Variants in MS4A13 observed in about 807,000 individuals in gnomAD.
The protein encoded by MS4A13 is membrane-spanning 4-domains subfamily A member 13.
MS4A13 carries 21 observed loss-of-function variants against 18.4 expected under a neutral mutation model. The ratio of observed to expected loss-of-function variants is 1.14; its 90% CI spans 0.81 to 1.64. The LOEUF (loss-of-function observed/expected upper bound fraction) is 1.64. MS4A13 is among the 40% of genes most tolerant of loss of function. The pLI, the probability that MS4A13 is intolerant of heterozygous loss-of-function variation, is 0.00. For missense variants in MS4A13, 173 were observed against 176.8 expected (o/e 0.98, Z 0.12); for synonymous variants, 62 against 57.2 (o/e 1.08, Z -0.38).
chr11:60,518,817 A>G (rs1403710203), intron 3 of MS4A13, among the ~76,000 whole-genome samples: 3 of 152,240 alleles, frequency 2.0e-5, no homozygotes, highest in Admixed American at 6.5e-5. Context: ...ATTGTGAAGC[A>G]AAAACCTGGT....
At chr11:60,515,697 T>TCTA (rs2086632757) in intron 1 of MS4A13, 90 bp downstream of exon 1, 1 of 152,246 alleles carries the variant, frequency 6.6e-6, no homozygotes, top group East Asian at 1.9e-4. Flanking sequence ...CCTATCATAC[T>TCTA]CTGTAAACAG....
chr11:60,525,459 T>A, intron 5 of MS4A13, 133 bp downstream of exon 5: 1 of 542,382 alleles, frequency 1.8e-6, no homozygotes, highest in East Asian at 3.9e-5. Context: ...AGCTCTTGAT[T>A]GAAAATTTTA....
intron 6 of MS4A13, among the ~76,000 whole-genome samples, chr11:60,530,861 T>A (rs183304165): frequency 5.0e-4 from 76 of 152,326 alleles, no homozygotes; most frequent in African/African-American, 1.8e-3. Context: ...TTTATAAGTG[T>A]TTAGCAAGTT....
chr11:60,529,478 C>T lies in MS4A13; in HGVS notation c.402+18C>T. The T allele has an allele frequency of 1.4e-6, 2 of 1,427,870 alleles. No homozygotes were observed. The highest frequency in any genetic ancestry group is 1.9e-6 in the Non-Finnish European group (2 of 1,040,326). The allele number at this position is 1,427,870 out of a possible 1,614,324, so 88.5% of individuals were successfully genotyped here. ...CCAATTTGGTAAGTGTTTACCCACT[C>T]TCTGGCAAATCAAAAGATGTTGATT... On this transcript the variant is annotated intron_variant, in intron 6 of 6. Coordinates refer to ENST00000378186, the MANE Select transcript of MS4A13 (RefSeq NM_001012417.3).
chr11:60,541,717 G>T (rs2086860181), intron 6 of MS4A13, among the ~76,000 whole-genome samples: 1 of 152,092 alleles, frequency 6.6e-6, no homozygotes, highest in South Asian at 2.1e-4. Flanking sequence ...CATCTATTAA[G>T]ATTTATGTTC....
At chr11:60,531,208 C>T (rs1176047219) in intron 6 of MS4A13, among the ~76,000 whole-genome samples, 1 of 152,068 alleles carries the variant, frequency 6.6e-6, no homozygotes, top group Non-Finnish European at 1.5e-5. Context: ...GTTATTAAAA[C>T]AACAGTAATC....
intron 6 of MS4A13, among the ~76,000 whole-genome samples, chr11:60,539,043 G>C (rs1450828373): frequency 7.3e-6 from 1 of 137,078 alleles, no homozygotes; most frequent in Non-Finnish European, 1.5e-5. Context: ...GATCTTAGAA[G>C]GGGATTCTTC....
At position 60,535,436 on chromosome 11, in the gene MS4A13, C is replaced by G. The variant is rs1351316124; in HGVS notation, c.402+5976C>G. On this transcript the variant is annotated intron_variant, in intron 6 of 6. Coordinates refer to ENST00000378186, the MANE Select transcript of MS4A13 (RefSeq NM_001012417.3). ...CTAGAAAATCTAGAAGAAATGGATACATTCCTCGACACATACACTCTGCCA... is the reference window on the plus strand; with the variant it reads ...CTAGAAAATCTAGAAGAAATGGATAGATTCCTCGACACATACACTCTGCCA... Among the ~76,000 whole-genome samples, 2 of 135,140 alleles carry G rather than the reference C, an allele frequency of 1.5e-5. 1 individual carries two copies. The highest frequency in any genetic ancestry group is 5.1e-4 in the South Asian group (2 of 3,904). The allele number at this position is 135,140 out of a possible 152,430, so 88.7% of individuals were successfully genotyped here.
rs902649446 is a variant in MS4A13, at chr11:60,518,060, C to G, written c.-12-12C>G. The G allele has an allele frequency of 1.3e-6, 2 of 1,559,768 alleles. No individual in the cohort carries two copies. Among genetic ancestry groups the G allele is most frequent in the African/African-American group, 2.7e-5 (2 of 72,954 alleles). On this transcript the variant is annotated splice_polypyrimidine_tract_variant and intron_variant, in intron 2 of 6. Coordinates refer to ENST00000378186, the MANE Select transcript of MS4A13 (RefSeq NM_001012417.3). ...ACATTATTTCGGTACTAACATAATT[C>G]TCTTCTCACAGACTATCCAGATTAT...
chr11:60,540,970 AAGG>A (rs2086852747), intron 6 of MS4A13, among the ~76,000 whole-genome samples: 1 of 151,538 alleles, frequency 6.6e-6, no homozygotes, highest in African/African-American at 2.4e-5. Context: ...AAAAAAAAAA[AAGG>A]AAAGGAAAAG....
At chr11:60,530,636 T>C (rs2086758466) in intron 6 of MS4A13, among the ~76,000 whole-genome samples, 2 of 152,234 alleles carry the variant, frequency 1.3e-5, no homozygotes, top group South Asian at 4.1e-4. Context: ...TGGACCTCAG[T>C]AAGAACAGTG....
chr11:60,518,314 T>A (rs2086651739), intron 3 of MS4A13, 102 bp downstream of exon 3: 1 of 889,910 alleles, frequency 1.1e-6, no homozygotes, highest in Admixed American at 2.9e-5. Context: ...TTCAGGAGAA[T>A]TATGTAACTA....
At chr11:60,516,111 T>C (rs574929823) in intron 2 of MS4A13, 27 bp downstream of exon 2, 2 of 152,278 alleles carry the variant, frequency 1.3e-5, no homozygotes, top group South Asian at 4.1e-4. Context: ...ACTAACTAAA[T>C]TTAAGATCAT....
chr11:60,542,252 GAGAAAGAA>G (rs201118211), intron 6 of MS4A13, among the ~76,000 whole-genome samples: 1 of 108,212 alleles, frequency 9.2e-6, no homozygotes, highest in African/African-American at 3.3e-5. Context: ...GAAAGAAAAA[GAGAAAGAA>G]AGAAAGAAAA....
intron 3 of MS4A13, among the ~76,000 whole-genome samples, chr11:60,521,823 A>G (rs535749250): frequency 6.6e-6 from 1 of 152,164 alleles, no homozygotes; most frequent in South Asian, 2.1e-4. Flanking sequence ...ATTTATTGTA[A>G]TAGTCCATTT....
intron 5 of MS4A13, 88 bp from the exon 6 acceptor site, chr11:60,529,277 A>G: frequency 1.5e-5 from 1 of 67,288 alleles, no homozygotes; most frequent in Admixed American, 2.9e-4. Context: ...TTTTTTTTTG[A>G]CTCTCATACC....
At chr11:60,523,032 C>G (rs1294870601) in intron 3 of MS4A13, among the ~76,000 whole-genome samples, 1 of 152,320 alleles carries the variant, frequency 6.6e-6, no homozygotes, top group African/African-American at 2.4e-5. Context: ...AGAGAGCACT[C>G]TAATTCAAAA....
intron 3 of MS4A13, 107 bp downstream of exon 3, chr11:60,518,319 T>A: frequency 1.2e-6 from 1 of 831,318 alleles, no homozygotes; most frequent in Non-Finnish European, 1.8e-6. Flanking sequence ...GAGAATTATG[T>A]AACTAAATCC....
chr11:60,535,584 C>A (rs1156356250), intron 6 of MS4A13, among the ~76,000 whole-genome samples: 1 of 63,060 alleles, frequency 1.6e-5, no homozygotes, highest in African/African-American at 7.2e-5. Context: ...CAGCCGAATT[C>A]TACCAGAGGT....
Sources: allele counts gnomAD v4.1 joint callset (sites outside exome capture counted in the v4.1 genomes callset), GRCh38; gene constraint gnomAD v4.1.1; transcripts MANE v1.5; gene names NCBI Gene and HGNC (gene_info 2026-07-23, HGNC 2026-07-21).